Variants in MBNL1 observed in about 807,000 individuals in gnomAD.
MBNL1 encodes muscleblind-like protein 1.
Under a neutral mutation model 42.2 loss-of-function variants are expected in MBNL1, and 8 were observed. The ratio of observed to expected loss-of-function variants is 0.19; its 90% CI spans 0.11 to 0.34. The LOEUF (loss-of-function observed/expected upper bound fraction) is 0.34, where lower values mean the gene tolerates loss of function less well. Among genes scored for constraint, MBNL1 ranks in the 10% least tolerant of loss-of-function variants. MBNL1 has a pLI of 1.00. For synonymous variants in MBNL1, 169 were observed against 173.9 expected, an observed-to-expected ratio of 0.97 and a Z score of 0.22; for missense variants, 309 against 495.3, an observed-to-expected ratio of 0.62 and a Z score of 3.57.
chr3:152,421,686 G>A (rs1257816921), intron 3 of MBNL1, among the ~76,000 whole-genome samples: 1 of 152,142 alleles, frequency 6.6e-6, no homozygotes, highest in Non-Finnish European at 1.5e-5. Context: ...GTTAAGGGCA[G>A]CCAGAGAGAA....
intron 2 of MBNL1, among the ~76,000 whole-genome samples, chr3:152,374,033 A>G (rs555087612): frequency 2.3e-4 from 35 of 152,322 alleles, no homozygotes; most frequent in Non-Finnish European, 4.0e-4. Context: ...TAAATGGCAT[A>G]TAATTTCTTG....
At chr3:152,317,879 T>C (rs542901650) in intron 2 of MBNL1, among the ~76,000 whole-genome samples, 24 of 152,364 alleles carry the variant, frequency 1.6e-4, no homozygotes, top group African/African-American at 5.5e-4. Context: ...TTAATTGTAG[T>C]GGACTTAAAT....
chr3:152,363,957 T>G (rs1430882144), intron 2 of MBNL1, among the ~76,000 whole-genome samples: 2 of 152,156 alleles, frequency 1.3e-5, no homozygotes, highest in African/African-American at 4.8e-5. Context: ...CTGAAACAAA[T>G]TAAGAATGAG....
intron 4 of MBNL1, among the ~76,000 whole-genome samples, chr3:152,438,431 A>C (rs1184198552): frequency 6.6e-6 from 1 of 152,214 alleles, no homozygotes; most frequent in Non-Finnish European, 1.5e-5. Context: ...GACTCAGGGT[A>C]ATCCCACAGA....
intron 2 of MBNL1, among the ~76,000 whole-genome samples, chr3:152,404,333 A>G (rs1345351198): frequency 6.6e-6 from 1 of 152,232 alleles, no homozygotes; most frequent in East Asian, 1.9e-4. Context: ...TAGAAGGCTG[A>G]GTAGACTTCA....
At position 152,348,370 on chromosome 3, in the gene MBNL1, A is replaced by G. The variant is rs141790876; in HGVS notation, c.174+48003A>G. 4.9e-4 allele frequency among the ~76,000 whole-genome samples: 75 copies of G among 152,270 alleles called. No homozygotes were observed. The East Asian group carries it at 9.1e-3, about 18-fold the overall frequency. ...AGTGAGTGAATAAGTGAACAAGTAA[A>G]TGGATAAACTCAGTAGGTAACACAT... On this transcript the variant is annotated intron_variant, in intron 2 of 9. Coordinates refer to ENST00000324210, the MANE Select transcript of MBNL1 (RefSeq NM_021038.5).
chr3:152,390,108 T>C (rs1249748141), intron 2 of MBNL1, among the ~76,000 whole-genome samples: 1 of 151,442 alleles, frequency 6.6e-6, no homozygotes, highest in East Asian at 1.9e-4. Context: ...GACCTTGTGA[T>C]CCACCTGCTT....
chr3:152,385,821 C>T, intron 2 of MBNL1, among the ~76,000 whole-genome samples: 1 of 151,952 alleles, frequency 6.6e-6, no homozygotes, highest in East Asian at 1.9e-4. Flanking sequence ...AGCACTATGT[C>T]TAGAATTCTT....
intron 3 of MBNL1, among the ~76,000 whole-genome samples, chr3:152,429,372 T>C (rs547141714): frequency 3.3e-5 from 5 of 152,248 alleles, no homozygotes; most frequent in Non-Finnish European, 7.3e-5. Flanking sequence ...GTTTGTACTT[T>C]GTTTTTCTCT....
intron 2 of MBNL1, among the ~76,000 whole-genome samples, chr3:152,374,809 C>T (rs923930325): frequency 3.3e-5 from 5 of 152,150 alleles, no homozygotes; most frequent in Non-Finnish European, 7.3e-5. Flanking sequence ...CCACTGGCGG[C>T]AAATCCTTTG....
At chr3:152,422,065 A>G (rs543913123) in intron 3 of MBNL1, among the ~76,000 whole-genome samples, 5 of 152,192 alleles carry the variant, frequency 3.3e-5, no homozygotes, top group Non-Finnish European at 5.9e-5. Flanking sequence ...GACAGGATCA[A>G]ATTCACACAT....
At chr3:152,427,115 T>G (rs1373395592) in intron 3 of MBNL1, among the ~76,000 whole-genome samples, 1 of 152,242 alleles carries the variant, frequency 6.6e-6, no homozygotes, top group African/African-American at 2.4e-5. Flanking sequence ...TCATCCATCC[T>G]GCTGTTGTTA....
At chr3:152,276,098 C>G (rs752423407) in intron 1 of MBNL1, among the ~76,000 whole-genome samples, 30 of 152,238 alleles carry the variant, frequency 2.0e-4, no homozygotes, top group Non-Finnish European at 3.4e-4. Context: ...CCTTAAAGAT[C>G]ATGACTAGAA....
intron 3 of MBNL1, among the ~76,000 whole-genome samples, chr3:152,426,575 G>T (rs1379839219): frequency 6.6e-6 from 1 of 152,130 alleles, no homozygotes; most frequent in African/African-American, 2.4e-5. Flanking sequence ...GTTGTTGCCA[G>T]GCTCTCTTCA....
At chr3:152,291,239 G>T (rs966320577) in intron 1 of MBNL1, among the ~76,000 whole-genome samples, 2 of 152,088 alleles carry the variant, frequency 1.3e-5, no homozygotes, top group African/African-American at 4.8e-5. Flanking sequence ...CAGAAAAAAT[G>T]CAGTGTTTCT....
rs187227290 is a variant in MBNL1 at position 152,453,188 on chromosome 3, T to C, written c.962-2354T>C. 1.0e-3 allele frequency among the ~76,000 whole-genome samples: 153 copies of C among 152,266 alleles called. 3 individuals carry two copies. The highest frequency in any genetic ancestry group is 9.7e-3 in the South Asian group (47 of 4,830). ...TTAATCAGCCTAATACTTCTTATAA[T>C]CAACCTAAATAGGACTGAATTATTA... is the stretch of plus-strand genomic sequence containing the variant. On this transcript the variant is annotated intron_variant, in intron 6 of 9. Coordinates refer to ENST00000324210, the MANE Select transcript of MBNL1 (RefSeq NM_021038.5).
intron 2 of MBNL1, chr3:152,302,153 T>G (rs1220999577): frequency 6.6e-6 from 1 of 152,198 alleles, no homozygotes; most frequent in Non-Finnish European, 1.5e-5. Flanking sequence ...TGCTATGTGG[T>G]TAACAAGATT....
upstream of MBNL1, chr3:152,267,687 G>A (rs1053620877): frequency 1.3e-5 from 2 of 152,204 alleles, no homozygotes; most frequent in African/African-American, 4.8e-5. Flanking sequence ...TGTTCTGGAA[G>A]GGATCAGTGT....
intron 2 of MBNL1, among the ~76,000 whole-genome samples, chr3:152,325,589 A>G (rs563973427): frequency 2.0e-5 from 3 of 152,034 alleles, no homozygotes; most frequent in East Asian, 3.9e-4. Flanking sequence ...TACATACTAT[A>G]TATTTTTGTA....
Sources: allele counts gnomAD v4.1 joint callset (sites outside exome capture counted in the v4.1 genomes callset), GRCh38; gene constraint gnomAD v4.1.1; transcripts MANE v1.5; gene names NCBI Gene and HGNC (gene_info 2026-07-23, HGNC 2026-07-21).